The following PUDP variants were observed in gnomAD, a reference collection of about 807,000 sequenced individuals.
The protein encoded by PUDP is pseudouridine-5'-phosphatase.
In PUDP, 8 loss-of-function variants were observed where a neutral mutation model predicts 9.4. The observed-to-expected ratio is 0.85, with a 90% CI of 0.50 to 1.53. The LOEUF (loss-of-function observed/expected upper bound fraction) is 1.53, where lower values mean the gene tolerates loss of function less well. Ranked by LOEUF, PUDP falls within the 40% of genes most tolerant of loss-of-function variation. The pLI is 0.00. For synonymous variants in PUDP, 99 were observed against 80.7 expected, an observed-to-expected ratio of 1.23 and a Z score of -1.22; for missense variants, 188 against 189.7, an observed-to-expected ratio of 0.99 and a Z score of 0.05.
chrX:6,966,678 G>A (rs1466649289), intron 3 of PUDP, among the ~76,000 whole-genome samples: 1 of 109,711 alleles, frequency 9.1e-6, no homozygotes, highest in African/African-American at 3.3e-5. Flanking sequence ...CTCCTGAGTC[G>A]TTGGGACTAC....
intron 1 of PUDP, among the ~76,000 whole-genome samples, chrX:7,002,039 T>C (rs949111726): frequency 8.9e-6 from 1 of 111,853 alleles, no homozygotes; most frequent in Middle Eastern, 4.6e-3. Flanking sequence ...AAATAAAAGA[T>C]GATATTTGCA....
At chrX:7,062,761 T>C (rs895455454) in intron 3 of PUDP, among the ~76,000 whole-genome samples, 2 of 110,281 alleles carry the variant, frequency 1.8e-5, no homozygotes, top group East Asian at 2.8e-4. Context: ...ATCAGTGTTT[T>C]AGAAACATCA....
rs1405505270 is a variant in PUDP at position 6,739,482 on chromosome X, T to A, written c.*248-33016A>T. Among the ~76,000 whole-genome samples, 3 of 111,358 alleles carry A rather than the reference T, an allele frequency of 2.7e-5. No homozygotes were observed. In the East Asian group the frequency reaches 8.5e-4, roughly 31 times the overall value. On this transcript the variant is annotated intron_variant and NMD_transcript_variant, in intron 3 of 3. Transcript: ENST00000655425. ...GGACATTTGGCCATGTCTGAGGACA[T>A]TTTTGGTTGTCGCAACTGGAAATGG... is the stretch of plus-strand genomic sequence containing the variant.
intron 3 of PUDP, among the ~76,000 whole-genome samples, chrX:6,858,500 T>A (rs1208862167): frequency 9.2e-6 from 1 of 109,221 alleles, no homozygotes; most frequent in Non-Finnish European, 1.9e-5. Flanking sequence ...ACTAACTTTT[T>A]AAAAATTTTT....
chrX:6,832,030 G>T (rs1926511613), intron 3 of PUDP, among the ~76,000 whole-genome samples: 2 of 111,606 alleles, frequency 1.8e-5, no homozygotes, highest in African/African-American at 6.5e-5. Flanking sequence ...GTGCTAAAAA[G>T]AAAACCAACA....
chrX:6,867,472 A>C (rs1287643252), intron 3 of PUDP, among the ~76,000 whole-genome samples: 1 of 109,034 alleles, frequency 9.2e-6, no homozygotes, highest in East Asian at 2.9e-4. Flanking sequence ...AATAGTGGTG[A>C]TGGTGGTGGT....
intron 3 of PUDP, among the ~76,000 whole-genome samples, chrX:6,930,715 T>C (rs997508277): frequency 9.5e-6 from 1 of 105,030 alleles, no homozygotes; most frequent in African/African-American, 3.3e-5. Context: ...TTCACTCTAC[T>C]CTGCAGACTC....
chrX:6,972,066 A>T (rs1034972864), intron 3 of PUDP, among the ~76,000 whole-genome samples: 1 of 112,228 alleles, frequency 8.9e-6, no homozygotes, highest in African/African-American at 3.2e-5. Context: ...TTGATTTTGT[A>T]TCCTGAGACT....
intron 1 of PUDP, among the ~76,000 whole-genome samples, chrX:6,709,168 C>A (rs1404239473): frequency 8.9e-6 from 1 of 111,946 alleles, no homozygotes; most frequent in African/African-American, 3.3e-5. Flanking sequence ...CACTTCAAAT[C>A]CCCATTGAGA....
intron 1 of PUDP, among the ~76,000 whole-genome samples, chrX:7,001,818 G>A (rs1406866314): frequency 8.9e-6 from 1 of 111,895 alleles, no homozygotes. Flanking sequence ...ATAAAATCCA[G>A]ATGATTGAAA....
Position 6,847,778 on chromosome X carries a change from C to G in PUDP, c.*247+129355G>C, listed in dbSNP as rs141850662. On this transcript the variant is annotated intron_variant and NMD_transcript_variant, in intron 3 of 3. Coordinates refer to the PUDP transcript ENST00000655425. ...TCACATATCTCTGTGAATCAGCTGG[C>G]ATCAGAATCAGAAGCATTTCTGATC... Among the ~76,000 whole-genome samples, 243 of 112,024 alleles carry G rather than the reference C, an allele frequency of 2.2e-3. 1 individual carries two copies. The highest frequency in any genetic ancestry group is 7.2e-3 in the African/African-American group (223 of 30,856).
chrX:6,873,123 T>C (rs1361655307), intron 3 of PUDP, among the ~76,000 whole-genome samples: 1 of 111,650 alleles, frequency 9.0e-6, no homozygotes, highest in Non-Finnish European at 1.9e-5. Flanking sequence ...GCTTTGGTCA[T>C]CAAACTTTTT....
At chrX:6,890,935 CAAAAAAAAAAAAAAAAAAAAAA>C (rs764486249) in intron 3 of PUDP, among the ~76,000 whole-genome samples, 1 of 33,149 alleles carries the variant, frequency 3.0e-5, no homozygotes, top group Non-Finnish European at 4.8e-5. Flanking sequence ...CTCATCTCTC[CAAAAAAAAAAAAAAAAAAAAAA>C]AAAAAAAAAT....
chrX:6,861,101 C>T (rs761189837), intron 3 of PUDP, among the ~76,000 whole-genome samples: 1 of 111,685 alleles, frequency 9.0e-6, no homozygotes, highest in East Asian at 2.8e-4. Flanking sequence ...CTTTGGAAAT[C>T]CCATCTATAT....
At chrX:6,758,304 T>A (rs922381985) in intron 3 of PUDP, among the ~76,000 whole-genome samples, 3 of 109,844 alleles carry the variant, frequency 2.7e-5, no homozygotes, top group Non-Finnish European at 3.8e-5. Context: ...TCTACAAAAA[T>A]TTTTTTTAAT....
intron 1 of PUDP, chrX:7,116,969 T>C: frequency 8.6e-7 from 1 of 1,166,781 alleles, no homozygotes. Flanking sequence ...TGCTTACCCG[T>C]CCACCGTGAT....
At chrX:6,969,881 T>C (rs1053520266) in intron 3 of PUDP, among the ~76,000 whole-genome samples, 2 of 111,388 alleles carry the variant, frequency 1.8e-5, no homozygotes, top group Admixed American at 9.5e-5. Context: ...CCAGTCTCTT[T>C]GTAAAATTTT....
In PUDP at chrX:6,970,894, T is replaced by C. The variant is rs190678824; in HGVS notation, c.*247+6239A>G. Among the ~76,000 whole-genome samples the C allele has an allele frequency of 7.3e-5, 8 of 109,884 alleles. No homozygotes were observed. In the East Asian group the frequency reaches 2.3e-3, roughly 32 times the overall value. On this transcript the variant is annotated intron_variant and NMD_transcript_variant, in intron 3 of 3. Coordinates refer to the PUDP transcript ENST00000655425. ...AGTGAAACCCCGTCTCTACTAAAAC[T>C]ACAAAAATTCACTGGGCGTGGTAGC... is the stretch of plus-strand genomic sequence containing the variant.
intron 3 of PUDP, among the ~76,000 whole-genome samples, chrX:6,841,591 C>T (rs1926671570): frequency 9.1e-6 from 1 of 110,471 alleles, no homozygotes; most frequent in South Asian, 3.9e-4. Context: ...AGAGTGAGAT[C>T]CTCTCCCTCT....
Sources: allele counts gnomAD v4.1 joint callset (sites outside exome capture counted in the v4.1 genomes callset), GRCh38; gene constraint gnomAD v4.1.1; transcripts MANE v1.5; gene names NCBI Gene and HGNC (gene_info 2026-07-23, HGNC 2026-07-21).